KRT26: variants seen among roughly 807,000 people sequenced by gnomAD.
The protein encoded by KRT26 is keratin, type I cytoskeletal 26.
Under a neutral mutation model 46.1 loss-of-function variants are expected in KRT26, and 45 were observed. The ratio of observed to expected loss-of-function variants is 0.98; its 90% CI spans 0.77 to 1.25. The LOEUF (loss-of-function observed/expected upper bound fraction) is 1.25. Among genes scored for constraint, KRT26 ranks in the 50% most tolerant of loss-of-function variants. KRT26 has a pLI of 0.00. For missense variants in KRT26, 582 were observed against 560.1 expected (o/e 1.04, Z -0.39); for synonymous variants, 191 against 209.9 (o/e 0.91, Z 0.78).
chr17:40,768,659 T>C (rs528454171), intron 6 of KRT26, among the ~76,000 whole-genome samples: 17 of 152,340 alleles, frequency 1.1e-4, no homozygotes, highest in African/African-American at 4.1e-4. Context: ...TTAAATGTCC[T>C]TTATATATTA....
At chr17:40,768,550 A>G (rs2038189581) in intron 6 of KRT26, among the ~76,000 whole-genome samples, 2 of 152,236 alleles carry the variant, frequency 1.3e-5, no homozygotes, top group South Asian at 4.1e-4. Flanking sequence ...TGATAAGAAA[A>G]GAGAATGAGT....
rs745399373 is a variant in KRT26, at chr17:40,771,791, T to C, written c.323A>G (p.Asn108Ser). The C allele has an allele frequency of 1.6e-5, 26 of 1,614,076 alleles. No homozygotes were observed. Among genetic ancestry groups the C allele is most frequent in the Non-Finnish European group, 2.0e-5 (24 of 1,180,036 alleles). Residue 108 changes from asparagine to serine, a missense_variant, in exon 1 of 8, where the codon AAC becomes AGC. Transcript: ENST00000335552. ...CTTGATCTTCTGCTCCAGGTCTGCG[T>C]TGGCCTCCTCTAGAGCATGCACATG...
chr17:40,770,106 T>C (rs769740443), exon 4 of KRT26: 2 of 1,614,206 alleles, frequency 1.2e-6, no homozygotes, highest in East Asian at 2.2e-5. Context: ...AGCTGTATAT[T>C]GCAAGACTTC....
At chr17:40,770,310 C>T (rs1484464132) in exon 3 of KRT26, 3 of 1,614,146 alleles carry the variant, frequency 1.9e-6, no homozygotes, top group South Asian at 2.2e-5. Context: ...CACACTGTAT[C>T]TCCAGGTCGG....
At chr17:40,766,298 T>G (rs2038171638) in exon 8 of KRT26, 1 of 367,126 alleles carries the variant, frequency 2.7e-6, no homozygotes, top group African/African-American at 2.1e-5. Flanking sequence ...AAACAAAAAT[T>G]AGGGACAGAG....
chr17:40,769,900 G>T, intron 4 of KRT26, 21 bp from the exon 5 acceptor site: 1 of 1,614,146 alleles, frequency 6.2e-7, no homozygotes, highest in Non-Finnish European at 8.5e-7. Flanking sequence ...ATTGTCGAAA[G>T]GGTTAGTGAC....
chr17:40,771,261 T>C (rs1291287022), intron 1 of KRT26, 25 bp from the exon 2 acceptor site: 3 of 1,342,632 alleles, frequency 2.2e-6, no homozygotes, highest in Non-Finnish European at 3.2e-6. Context: ...TTGTGAAAAA[T>C]GTTAATTACC....
exon 6 of KRT26, chr17:40,768,950 C>A (rs2038193808): frequency 6.2e-7 from 1 of 1,612,184 alleles, no homozygotes; most frequent in Non-Finnish European, 8.5e-7. Context: ...CATCAAGAAG[C>A]TGTTCATACT....
rs765966339 is a variant in KRT26, at chr17:40,768,862, T to C, written c.1187+17A>G. 1 of 1,267,558 alleles carries C rather than the reference T, an allele frequency of 7.9e-7. No homozygotes were observed. Among genetic ancestry groups the C allele is most frequent in the Non-Finnish European group, 1.1e-6 (1 of 910,730 alleles). 78.5% of individuals were successfully genotyped at this position (1,267,558 alleles called of 1,614,324 possible). ...TTAATGTGAGGTTTTTTTTTTTTTT[T>C]GCAAGTTAATCTTTACCTTTCTTCT... On this transcript the variant is annotated intron_variant, in intron 6 of 7. Transcript: ENST00000335552.
chr17:40,766,435 A>C, exon 8 of KRT26: 2 of 1,243,326 alleles, frequency 1.6e-6, no homozygotes, highest in Non-Finnish European at 2.2e-6. Flanking sequence ...GACCAGTAGG[A>C]TTTTTGCAAA....
exon 5 of KRT26, chr17:40,769,795 G>C: frequency 6.2e-7 from 1 of 1,614,176 alleles, no homozygotes; most frequent in Non-Finnish European, 8.5e-7. Context: ...AGGGTTTGCA[G>C]ATTGCGTTTT....
At position 40,766,476 on chromosome 17, in the gene KRT26, C is replaced by G. The variant is rs750702952; in HGVS notation, c.*39G>C. ...CCTTTCTTTCTTTCTTTCTCTCTCTCTCTCTTTCTTTCTTTCTTTCCAAAT... is the reference window on the plus strand; with the variant it reads ...CCTTTCTTTCTTTCTTTCTCTCTCTGTCTCTTTCTTTCTTTCTTTCCAAAT... On this transcript the variant is annotated 3_prime_UTR_variant, in exon 8 of 8. Transcript: ENST00000335552. 8.8e-6 allele frequency: 13 copies of G among 1,476,028 alleles called. No homozygotes were observed. In the African/African-American group the frequency reaches 1.6e-4, roughly 18 times the overall value. The allele number at this position is 1,476,028 out of a possible 1,614,324, so 91.4% of individuals were successfully genotyped here. A position where few individuals can be genotyped will look rare whatever the true frequency, so the allele number is the denominator to read the frequency against.
In KRT26 at chr17:40,771,383, T is replaced by A. The variant is rs945111895; in HGVS notation, c.442-147A>T. On this transcript the variant is annotated intron_variant, in intron 1 of 7. Coordinates refer to ENST00000335552, the Ensembl canonical transcript of KRT26. ...TAAAGAAATCTGGATTTTCTTCAGA[T>A]AATAAGCATCCAGAGCTTAAGAGCC... is the stretch of plus-strand genomic sequence containing the variant. 8.3e-6 allele frequency: 5 copies of A among 601,250 alleles called. No homozygotes were observed. In the Admixed American group the frequency reaches 1.6e-4, roughly 19 times the overall value. 37.2% of individuals were successfully genotyped at this position (601,250 alleles called of 1,614,324 possible).
intron 2 of KRT26, among the ~76,000 whole-genome samples, chr17:40,770,780 G>A (rs1356007537): frequency 1.3e-5 from 2 of 152,196 alleles, no homozygotes; most frequent in East Asian, 3.8e-4. Flanking sequence ...CACCTTCCGG[G>A]TTCAAGTGAT....
At chr17:40,766,445 A>C in exon 8 of KRT26, 1 of 1,331,766 alleles carries the variant, frequency 7.5e-7, no homozygotes, top group South Asian at 1.5e-5. Context: ...ATTTTTGCAA[A>C]GGCAGCCTTT....
intron 3 of KRT26, 48 bp downstream of exon 3, chr17:40,770,205 A>C: frequency 1.9e-6 from 3 of 1,613,690 alleles, no homozygotes; most frequent in Non-Finnish European, 2.5e-6. Context: ...AGTGGACTTC[A>C]AGAAGGAAAT....
At position 40,772,124 on chromosome 17, in the gene KRT26, C is replaced by T; in HGVS notation, c.-11G>A. The T allele has an allele frequency of 1.9e-6, 3 of 1,611,696 alleles. No homozygotes were observed. The highest frequency in any genetic ancestry group is 1.7e-6 in the Non-Finnish European group (2 of 1,178,090). On this transcript the variant is annotated 5_prime_UTR_variant, in exon 1 of 8. It adds an upstream start codon to the 5' untranslated region. Transcript: ENST00000335552. Reference sequence around the variant, plus strand: ...AAGTCGAAAAGACATGGTGGCAGCACAGCCGGGCAACCCCTTCCCAGAAAG... The same window carrying T: ...AAGTCGAAAAGACATGGTGGCAGCATAGCCGGGCAACCCCTTCCCAGAAAG...
chr17:40,768,835 A>G (rs1486698539), intron 6 of KRT26, 44 bp downstream of exon 6: 1 of 1,106,790 alleles, frequency 9.0e-7, no homozygotes. Context: ...GGGAAAACCT[A>G]GTTAATGTGA....
intron 1 of KRT26, 147 bp downstream of exon 1, chr17:40,771,526 T>C (rs2038221022): frequency 2.9e-6 from 2 of 680,398 alleles, no homozygotes; most frequent in Admixed American, 6.0e-5. Flanking sequence ...CAAGATTTTA[T>C]TGCCAGGTAC....
Sources: allele counts gnomAD v4.1 joint callset (sites outside exome capture counted in the v4.1 genomes callset), GRCh38; gene constraint gnomAD v4.1.1; transcripts MANE v1.5; gene names NCBI Gene and HGNC (gene_info 2026-07-23, HGNC 2026-07-21).